NEDD8: variants seen among roughly 807,000 people sequenced by gnomAD.
The protein encoded by NEDD8 is NEDD8 ubiquitin like modifier.
Under a neutral mutation model 13.8 loss-of-function variants are expected in NEDD8, and 1 was observed. The ratio of observed to expected loss-of-function variants is 0.07; its 90% CI spans 0.03 to 0.34. The LOEUF (loss-of-function observed/expected upper bound fraction) is 0.34. Among genes scored for constraint, NEDD8 ranks in the 10% least tolerant of loss-of-function variants. The probability of loss-of-function intolerance (pLI) is 0.99; values close to 1 mark genes in which losing one functional copy is unlikely to be tolerated. For missense variants in NEDD8, 10 were observed against 95.2 expected (o/e 0.10, Z 3.73); for synonymous variants, 31 against 33.2 (o/e 0.93, Z 0.23).
Position 24,217,312 on chromosome 14 carries a change from C to CA in NEDD8, c.150-90dup, listed in dbSNP as rs1468474426. 3.6e-6 allele frequency: 4 copies of CA among 1,100,906 alleles called. No homozygotes were observed. The African/African-American group carries it at 6.3e-5, about 17-fold the overall frequency. The allele number at this position is 1,100,906 out of a possible 1,614,324, so 68.2% of individuals were successfully genotyped here. A position where few individuals can be genotyped will look rare whatever the true frequency, so the allele number is the denominator to read the frequency against. ...TTGTTGTTGTTGTTGTTGTTTTTGA[C>CA]AGAGTCTCGCTCTGTCATCTAGGCT... On this transcript the variant is annotated intron_variant, in intron 3 of 3. Transcript: ENST00000250495.
chr14:24,218,304 C>G, intron 2 of NEDD8, 80 bp downstream of exon 2: 1 of 1,613,870 alleles, frequency 6.2e-7, no homozygotes, highest in South Asian at 1.1e-5. Context: ...AGCATGAGAG[C>G]AAAAGGACCA....
intron 3 of NEDD8, 69 bp from the exon 4 acceptor site, chr14:24,217,292 G>T: frequency 7.6e-7 from 1 of 1,309,632 alleles, no homozygotes; most frequent in Non-Finnish European, 1.1e-6. Context: ...TGTTGTTGTT[G>T]TTGTTGTTGT....
In NEDD8 at chr14:24,228,720, A is replaced by G. The variant is rs955312882; in HGVS notation, c.18+3530T>C. On this transcript the variant is annotated intron_variant, in intron 1 of 3. Transcript: ENST00000250495. ...GGGCGACAGAGTGAGAACCTGTCTC[A>G]AAAAAAAAAAAAAAAAAAAAAAGGA... 7.3e-3 allele frequency: 100 copies of G among 13,680 alleles called. 1 individual carries two copies. Among genetic ancestry groups the G allele is most frequent in the Non-Finnish European group, 0.019 (63 of 3,330 alleles). 0.8% of individuals were successfully genotyped at this position (13,680 alleles called of 1,614,324 possible). A position where few individuals can be genotyped will look rare whatever the true frequency, so the allele number is the denominator to read the frequency against.
intron 1 of NEDD8, among the ~76,000 whole-genome samples, chr14:24,222,716 G>A (rs2039826724): frequency 6.6e-6 from 1 of 152,052 alleles, no homozygotes; most frequent in Non-Finnish European, 1.5e-5. Context: ...TTATTCACAT[G>A]TAATCAATAT....
At chr14:24,217,298 G>A (rs1415004099) in intron 3 of NEDD8, 75 bp from the exon 4 acceptor site, 4 of 1,309,722 alleles carry the variant, frequency 3.1e-6, no homozygotes, top group Admixed American at 2.1e-5. Context: ...TGTTGTTGTT[G>A]TTGTTGTTTT....
chr14:24,226,131 C>CT lies in NEDD8; in HGVS notation c.18+6118dup, dbSNP rs202186846. ...AATGTGATCCAGCCCTGCCAACAATCTTTATCAAGCGAAGATGTACAACCA... is the reference window on the plus strand; with the variant it reads ...AATGTGATCCAGCCCTGCCAACAATCTTTTATCAAGCGAAGATGTACAACCA... On this transcript the variant is annotated intron_variant, in intron 1 of 3. Coordinates refer to ENST00000250495, the MANE Select transcript of NEDD8 (RefSeq NM_006156.3). Among the ~76,000 whole-genome samples the CT allele has an allele frequency of 7.5e-3, 1,137 of 151,750 alleles. 5 individuals are homozygous for CT. The highest frequency in any genetic ancestry group is 0.014 in the Middle Eastern group (4 of 292).
intron 1 of NEDD8, chr14:24,218,699 A>C: frequency 1.8e-6 from 1 of 541,330 alleles, no homozygotes; most frequent in Non-Finnish European, 3.3e-6. Context: ...GTCCCCCAAA[A>C]TCAGTGAGAA....
chr14:24,218,508 G>A (rs2039746299), intron 1 of NEDD8, 77 bp from the exon 2 acceptor site: 1 of 1,605,182 alleles, frequency 6.2e-7, no homozygotes, highest in South Asian at 1.1e-5. Context: ...TCCTATGTTG[G>A]TCTTTGGGAT....
At chr14:24,227,306 T>C (rs1213085344) in intron 1 of NEDD8, 1 of 152,124 alleles carries the variant, frequency 6.6e-6, no homozygotes, top group Non-Finnish European at 1.5e-5. Context: ...TAATCTGCAA[T>C]GAGGAAATCA....
intron 1 of NEDD8, among the ~76,000 whole-genome samples, chr14:24,223,348 C>G (rs1007831333): frequency 1.3e-5 from 2 of 151,090 alleles, no homozygotes; most frequent in African/African-American, 4.9e-5. Flanking sequence ...CCGTAGTGGG[C>G]TGATTGTGCC....
chr14:24,223,085 C>CAAAAAAAA (rs71426836), intron 1 of NEDD8, among the ~76,000 whole-genome samples: 1 of 75,596 alleles, frequency 1.3e-5, no homozygotes, highest in Non-Finnish European at 2.5e-5. Context: ...GACTGCATTT[C>CAAAAAAAA]AAAAAAAAAA....
chr14:24,224,698 A>G (rs2039861566), intron 1 of NEDD8, among the ~76,000 whole-genome samples: 1 of 152,224 alleles, frequency 6.6e-6, no homozygotes, highest in Non-Finnish European at 1.5e-5. Flanking sequence ...GAAACAATGT[A>G]TCTAGGAAAT....
At chr14:24,226,773 C>A (rs2039897747) in intron 1 of NEDD8, 1 of 152,102 alleles carries the variant, frequency 6.6e-6, no homozygotes, top group South Asian at 2.1e-4. Flanking sequence ...ATGGTACAAA[C>A]CCTTAGTTTC....
At chr14:24,219,236 A>G (rs907701395) in intron 1 of NEDD8, among the ~76,000 whole-genome samples, 65 of 151,864 alleles carry the variant, frequency 4.3e-4, no homozygotes, top group African/African-American at 1.6e-3. Flanking sequence ...CTGAGGCGGG[A>G]GGATCACTTG....
intron 1 of NEDD8, chr14:24,218,749 T>G (rs552752380): frequency 7.8e-6 from 3 of 384,064 alleles, no homozygotes; most frequent in Non-Finnish European, 1.4e-5. Flanking sequence ...TGAAAGGATT[T>G]ATTTATTTAT....
intron 1 of NEDD8, among the ~76,000 whole-genome samples, chr14:24,223,085 CAAAAAAAAAAAAAAAA>C (rs71426836): frequency 1.3e-5 from 1 of 75,602 alleles, no homozygotes; most frequent in Non-Finnish European, 2.5e-5. Flanking sequence ...GACTGCATTT[CAAAAAAAAAAAAAAAA>C]AAAAAAATAG....
At chr14:24,230,534 C>A (rs867278401) in intron 1 of NEDD8, among the ~76,000 whole-genome samples, 1,015 of 64,852 alleles carry the variant, frequency 0.016, 1 homozygote, top group Middle Eastern at 0.037. Flanking sequence ...GACTCTGTCT[C>A]AAAAAAAAAA....
At chr14:24,223,196 G>C (rs991968601) in intron 1 of NEDD8, among the ~76,000 whole-genome samples, 2 of 151,168 alleles carry the variant, frequency 1.3e-5, no homozygotes, top group African/African-American at 4.9e-5. Flanking sequence ...GAGGCTTGGA[G>C]TTTTGAGACC....
chr14:24,224,236 G>C (rs1594488503), intron 1 of NEDD8, among the ~76,000 whole-genome samples: 2 of 151,436 alleles, frequency 1.3e-5, no homozygotes, highest in African/African-American at 4.9e-5. Context: ...GCCAATTTTT[G>C]TATTTTTAGT....
Sources: gnomAD v4.1 joint callset for allele counts (sites outside exome capture counted in the v4.1 genomes callset) on GRCh38, gnomAD v4.1.1 for gene constraint, MANE v1.5 for transcripts, NCBI Gene and HGNC (gene_info 2026-07-23, HGNC 2026-07-21) for gene names.